The following ATP10B variants were observed in gnomAD, a reference collection of about 807,000 sequenced individuals.
ATP10B encodes ATPase phospholipid transporting 10B (putative).
ATP10B carries 122 observed loss-of-function variants against 141.2 expected under a neutral mutation model. The ratio of observed to expected loss-of-function variants is 0.86; its 90% CI spans 0.75 to 1.00. The LOEUF (loss-of-function observed/expected upper bound fraction) is 1.00, where lower values mean the gene tolerates loss of function less well. Ranked by LOEUF, ATP10B falls within the 50% of genes least tolerant of loss-of-function variation. The pLI is 0.00. For synonymous variants in ATP10B, 685 were observed against 692.0 expected, an observed-to-expected ratio of 0.99 and a Z score of 0.16; for missense variants, 1,876 against 1,825.3, an observed-to-expected ratio of 1.03 and a Z score of -0.51.
chr5:160,778,924 T>C (rs59366080), intron 2 of ATP10B, among the ~76,000 whole-genome samples: 2,528 of 152,276 alleles, frequency 0.017, 72 homozygotes, highest in African/African-American at 0.058. Context: ...TCTCTATGTC[T>C]AGTTCATCAC....
chr5:160,756,778 T>C (rs1184798845), intron 2 of ATP10B, among the ~76,000 whole-genome samples: 1 of 152,172 alleles, frequency 6.6e-6, no homozygotes, highest in Non-Finnish European at 1.5e-5. Flanking sequence ...CACTGCATAA[T>C]AATCACATCA....
intron 17 of ATP10B, among the ~76,000 whole-genome samples, chr5:160,613,139 A>T (rs116189023): frequency 0.016 from 2,375 of 152,300 alleles, 28 homozygotes; most frequent in Middle Eastern, 0.075. Flanking sequence ...TATATAATGA[A>T]AGAAAGTCAG....
At chr5:160,840,632 G>A (rs1470099698) in intron 1 of ATP10B, among the ~76,000 whole-genome samples, 4 of 151,950 alleles carry the variant, frequency 2.6e-5, no homozygotes, top group Non-Finnish European at 5.9e-5. Context: ...TATATTCTAG[G>A]TTTATGAAAA....
At position 160,634,615 on chromosome 5, in the gene ATP10B, A is replaced by T. The variant is rs1366949829; in HGVS notation, c.1129-9T>A. The T allele has an allele frequency of 6.3e-7, 1 of 1,598,090 alleles. No homozygotes were observed. On this transcript the variant is annotated splice_polypyrimidine_tract_variant and intron_variant, in intron 11 of 25. Transcript: ENST00000327245. ...GAGATGGGGATCAGCACCTGAAAAG[A>T]GATGAGTTTCTACCATTCAGAAACC...
intron 24 of ATP10B, among the ~76,000 whole-genome samples, chr5:160,570,441 T>A (rs1408387194): frequency 6.6e-6 from 1 of 152,208 alleles, no homozygotes. Flanking sequence ...ACTCAATAAG[T>A]CTAAACAAGC....
chr5:160,787,036 G>A (rs1379104961), intron 1 of ATP10B, among the ~76,000 whole-genome samples: 2 of 151,612 alleles, frequency 1.3e-5, no homozygotes, highest in Non-Finnish European at 2.9e-5. Flanking sequence ...TTCTCAGTGA[G>A]TCACTAAACA....
chr5:160,781,450 G>T (rs1042423925), intron 2 of ATP10B, among the ~76,000 whole-genome samples: 1 of 152,024 alleles, frequency 6.6e-6, no homozygotes, highest in Non-Finnish European at 1.5e-5. Context: ...TAGCTCTTTT[G>T]GTGGGCACAG....
At chr5:160,859,721 T>C in the ATP10B span, among the ~76,000 whole-genome samples, 6 of 151,956 alleles carry the variant, frequency 3.9e-5, no homozygotes, top group Non-Finnish European at 7.4e-5. Flanking sequence ...ATGGTTTGTA[T>C]ATCCAACACT....
At chr5:160,624,645 G>A (rs1324057824) in intron 13 of ATP10B, among the ~76,000 whole-genome samples, 7 of 152,100 alleles carry the variant, frequency 4.6e-5, no homozygotes, top group Admixed American at 6.5e-5. Flanking sequence ...CCTAGTAGGC[G>A]CTCACATTTG....
intron 1 of ATP10B, among the ~76,000 whole-genome samples, chr5:160,787,636 C>T (rs1259263886): frequency 1.3e-5 from 2 of 152,080 alleles, no homozygotes; most frequent in Non-Finnish European, 2.9e-5. Flanking sequence ...TTAATAAATG[C>T]TCTTGTGAAA....
At chr5:160,774,947 G>A (rs1175372577) in intron 2 of ATP10B, among the ~76,000 whole-genome samples, 3 of 152,174 alleles carry the variant, frequency 2.0e-5, no homozygotes, top group Non-Finnish European at 4.4e-5. Context: ...GCCAGCAAAT[G>A]GGGAAAAATC....
At chr5:160,900,908 G>GTTTTTTT in the ATP10B span, among the ~76,000 whole-genome samples, 47 of 88,986 alleles carry the variant, frequency 5.3e-4, no homozygotes, top group African/African-American at 1.8e-3. Flanking sequence ...GGGTAGAGAA[G>GTTTTTTT]TTTTTTTTTT....
intron 2 of ATP10B, among the ~76,000 whole-genome samples, chr5:160,742,286 T>C (rs962739955): frequency 6.6e-6 from 1 of 152,136 alleles, no homozygotes; most frequent in Non-Finnish European, 1.5e-5. Context: ...AGTGCTATAT[T>C]GCATGCTAAT....
chr5:160,763,046 G>A (rs1373257947), intron 2 of ATP10B, among the ~76,000 whole-genome samples: 1 of 147,758 alleles, frequency 6.8e-6, no homozygotes, highest in Admixed American at 6.8e-5. Context: ...CCTAATACTG[G>A]AGCACCCAAA....
chr5:160,737,196 A>C (rs1767178458), intron 2 of ATP10B, among the ~76,000 whole-genome samples: 2 of 152,234 alleles, frequency 1.3e-5, no homozygotes, highest in South Asian at 4.1e-4. Flanking sequence ...TATTTGACAA[A>C]ATTCAACATC....
chr5:160,843,136 G>A (rs1775908808), intron 1 of ATP10B, among the ~76,000 whole-genome samples: 1 of 152,050 alleles, frequency 6.6e-6, no homozygotes, highest in African/African-American at 2.4e-5. Context: ...TACATTCCAG[G>A]AATGCAAGGC....
chr5:160,682,197 G>A (rs944583282), intron 6 of ATP10B, among the ~76,000 whole-genome samples: 17 of 152,352 alleles, frequency 1.1e-4, no homozygotes, highest in African/African-American at 3.8e-4. Flanking sequence ...GCAACACTGA[G>A]TTAATCAAAG....
At chr5:160,787,105 GACACACACAC>G (rs58517660) in intron 1 of ATP10B, among the ~76,000 whole-genome samples, 5,648 of 133,612 alleles carry the variant, frequency 0.042, 150 homozygotes, top group African/African-American at 0.074. Flanking sequence ...TTTTGACACA[GACACACACAC>G]ACACACACAC....
At chr5:160,839,892 T>C (rs1181437082) in intron 1 of ATP10B, among the ~76,000 whole-genome samples, 1 of 152,062 alleles carries the variant, frequency 6.6e-6, no homozygotes, top group East Asian at 1.9e-4. Flanking sequence ...AAAGATATTT[T>C]ATAATGCTAA....
Sources: gnomAD v4.1 joint callset for allele counts (sites outside exome capture counted in the v4.1 genomes callset) on GRCh38, gnomAD v4.1.1 for gene constraint, MANE v1.5 for transcripts, NCBI Gene and HGNC (gene_info 2026-07-23, HGNC 2026-07-21) for gene names.